The following METTL25 variants were observed in gnomAD, a reference collection of about 807,000 sequenced individuals.
METTL25 encodes the protein methyltransferase like 25.
A neutral mutation model predicts 71.6 loss-of-function variants in METTL25; 64 were observed. That is an observed-to-expected ratio of 0.89 (90% CI 0.73 to 1.10). METTL25 has a LOEUF of 1.10. Among genes scored for constraint, METTL25 ranks in the 50% least tolerant of loss-of-function variants. The pLI, the probability that METTL25 is intolerant of heterozygous loss-of-function variation, is 0.00. For missense variants in METTL25, 807 were observed against 707.0 expected, an observed-to-expected ratio of 1.14 and a Z score of -1.60; for synonymous variants, 287 against 250.3, an observed-to-expected ratio of 1.15 and a Z score of -1.38.
At chr12:82,462,212 A>C (rs1891927649) in intron 9 of METTL25, among the ~76,000 whole-genome samples, 1 of 152,172 alleles carries the variant, frequency 6.6e-6, no homozygotes, top group Admixed American at 6.5e-5. Context: ...TATCTTCAGG[A>C]AGTTGAAGAG....
At chr12:82,461,082 G>T (rs1891843266) in intron 9 of METTL25, among the ~76,000 whole-genome samples, 1 of 152,150 alleles carries the variant, frequency 6.6e-6, no homozygotes, top group South Asian at 2.1e-4. Context: ...GGCAGAGTTT[G>T]CAGTGAGCCA....
intron 5 of METTL25, among the ~76,000 whole-genome samples, chr12:82,419,034 TAGAA>T (rs1299191219): frequency 5.3e-5 from 8 of 152,142 alleles, no homozygotes; most frequent in Admixed American, 5.2e-4. Context: ...GTGATGATTT[TAGAA>T]AGACGTTTGG....
At chr12:82,377,750 CTG>C (rs1234161522) in intron 1 of METTL25, among the ~76,000 whole-genome samples, 1 of 152,232 alleles carries the variant, frequency 6.6e-6, no homozygotes, top group Admixed American at 6.5e-5. Flanking sequence ...GGTAAGGAAA[CTG>C]TGAAAGATAG....
At chr12:82,452,415 A>G (rs1334675131) in intron 8 of METTL25, among the ~76,000 whole-genome samples, 1 of 152,198 alleles carries the variant, frequency 6.6e-6, no homozygotes, top group Non-Finnish European at 1.5e-5. Flanking sequence ...AAGCAGGAGA[A>G]TCACTTGAGC....
intron 1 of METTL25, among the ~76,000 whole-genome samples, chr12:82,377,820 T>C (rs1010071150): frequency 5.3e-5 from 8 of 152,210 alleles, no homozygotes; most frequent in African/African-American, 1.2e-4. Flanking sequence ...ATGAATGCTA[T>C]AGAACCACTG....
intron 1 of METTL25, among the ~76,000 whole-genome samples, chr12:82,377,025 C>G (rs1883941257): frequency 6.6e-6 from 1 of 151,884 alleles, no homozygotes; most frequent in African/African-American, 2.4e-5. Context: ...AGTCAGGAGA[C>G]TCTCTTGAAC....
intron 2 of METTL25, among the ~76,000 whole-genome samples, chr12:82,388,418 T>C (rs1006400615): frequency 6.6e-6 from 1 of 151,996 alleles, no homozygotes; most frequent in African/African-American, 2.4e-5. Flanking sequence ...GTAAGAACCA[T>C]TATAGCTGCA....
At chr12:82,439,575 A>G (rs1351957654) in intron 8 of METTL25, among the ~76,000 whole-genome samples, 1 of 151,852 alleles carries the variant, frequency 6.6e-6, no homozygotes, top group Admixed American at 6.6e-5. Context: ...AAGAAAAAAT[A>G]TCCACTTTTT....
chr12:82,456,769 T>G lies in METTL25; in HGVS notation c.1521T>G (p.Phe507Leu). The G allele has an allele frequency of 6.2e-7, 1 of 1,604,630 alleles. No homozygotes were observed. Among genetic ancestry groups the G allele is most frequent in the Non-Finnish European group, 8.5e-7 (1 of 1,175,020 alleles). ...AAATTTATTCCAAATGTTCTTCTTT[T>G]CTGGATTATGTCAGACGGTCTCTAA... ...VGKIYSKCSS[F>L]LDYVRRSLKK... Residue 507 changes from phenylalanine to leucine, a missense_variant, in exon 9 of 12, where the codon TTT (phenylalanine) becomes TTG (leucine). By Grantham distance (22) the Phe-to-Leu change is conservative. Coordinates refer to ENST00000248306, the MANE Select transcript of METTL25 (RefSeq NM_032230.3).
chr12:82,434,842 A>G lies in METTL25; in HGVS notation c.1404+118A>G, dbSNP rs1018628551. ...TTAATAAATATCTTGTCCCAGATGC[A>G]TATTCAAATTTGTGCATTTTCTGTA... is the stretch of plus-strand genomic sequence containing the variant. On this transcript the variant is annotated intron_variant, in intron 7 of 11. Coordinates refer to ENST00000248306, the MANE Select transcript of METTL25 (RefSeq NM_032230.3). 1.2e-5 allele frequency: 10 copies of G among 859,126 alleles called. No homozygotes were observed. In the Admixed American group the frequency reaches 1.5e-4, roughly 13 times the overall value. The allele number at this position is 859,126 out of a possible 1,614,324, so 53.2% of individuals were successfully genotyped here.
chr12:82,437,086 A>T (rs1889976288), intron 7 of METTL25, among the ~76,000 whole-genome samples: 1 of 151,686 alleles, frequency 6.6e-6, no homozygotes, highest in South Asian at 2.1e-4. Context: ...AAGATGAGAA[A>T]ATCTCAAATG....
chr12:82,434,605 A>G, intron 6 of METTL25, 90 bp from the exon 7 acceptor site: 2 of 1,021,814 alleles, frequency 2.0e-6, no homozygotes, highest in South Asian at 1.3e-5. Flanking sequence ...ATCTTTCTAA[A>G]TGTCAGTTTT....
Position 82,451,345 on chromosome 12 carries a change from C to T in METTL25, c.1479-5382C>T, listed in dbSNP as rs1197890838. The stretch of plus-strand genomic sequence containing the variant: ...AACATAAGCACAGGAGCTCTACTGC[C>T]TGGTTTCTAATCCCAGTATCCCCAC... On this transcript the variant is annotated intron_variant, in intron 8 of 11. Coordinates refer to ENST00000248306, the MANE Select transcript of METTL25 (RefSeq NM_032230.3). The T allele has an allele frequency of 9.7e-6, 7 of 724,718 alleles. No homozygotes were observed. The East Asian group carries it at 6.5e-4, about 68-fold the overall frequency. 44.9% of individuals were successfully genotyped at this position (724,718 alleles called of 1,614,324 possible). A position where few individuals can be genotyped will look rare whatever the true frequency, so the allele number is the denominator to read the frequency against.
intron 5 of METTL25, among the ~76,000 whole-genome samples, chr12:82,422,054 A>C (rs913508961): frequency 2.0e-5 from 3 of 152,214 alleles, no homozygotes; most frequent in African/African-American, 7.2e-5. Flanking sequence ...TTATGAGGCC[A>C]GCATCATCCT....
chr12:82,427,751 T>C (rs950165360), intron 5 of METTL25, among the ~76,000 whole-genome samples: 1 of 151,974 alleles, frequency 6.6e-6, no homozygotes, highest in Non-Finnish European at 1.5e-5. Flanking sequence ...CCTTGTTCCC[T>C]GGGTTTCGCC....
chr12:82,358,552 G>C lies in METTL25; in HGVS notation c.-14G>C, dbSNP rs200200219. On this transcript the variant is annotated 5_prime_UTR_variant, in exon 1 of 12. Transcript: ENST00000248306. Reference sequence around the variant, plus strand: ...CCATGTTTGCGCCACCTACAGCCTCGGAGGGTGAGCGTCATGGCGGCTTCT... The same window carrying C: ...CCATGTTTGCGCCACCTACAGCCTCCGAGGGTGAGCGTCATGGCGGCTTCT... The C allele has an allele frequency of 8.1e-6, 13 of 1,607,798 alleles. No individual in the cohort carries two copies. The highest frequency in any genetic ancestry group is 1.3e-5 in the African/African-American group (1 of 74,914).
chr12:82,455,785 T>G (rs1387342649), intron 8 of METTL25, among the ~76,000 whole-genome samples: 2 of 151,872 alleles, frequency 1.3e-5, no homozygotes, highest in Non-Finnish European at 2.9e-5. Context: ...ACTTTCAAAT[T>G]TATCCCAATA....
chr12:82,391,540 A>ATGTG (rs59778065), intron 3 of METTL25, among the ~76,000 whole-genome samples: 135,624 of 150,690 alleles, frequency 0.9, 61,220 homozygotes, highest in East Asian at 0.98. Flanking sequence ...TTGTTAGTAT[A>ATGTG]TGTGTGTGTG....
chr12:82,429,963 T>C (rs1889356885), intron 5 of METTL25, among the ~76,000 whole-genome samples: 1 of 151,584 alleles, frequency 6.6e-6, no homozygotes, highest in Non-Finnish European at 1.5e-5. Flanking sequence ...ACTTGTTCTC[T>C]TTTAATCAAA....
Sources: allele counts gnomAD v4.1 joint callset (sites outside exome capture counted in the v4.1 genomes callset), GRCh38; gene constraint gnomAD v4.1.1; transcripts MANE v1.5; gene names NCBI Gene and HGNC (gene_info 2026-07-23, HGNC 2026-07-21).